Variants in POU2F1 observed in about 807,000 individuals in gnomAD.
POU2F1 encodes POU class 2 homeobox 1, also known as POU domain, class 2, transcription factor 1.
In POU2F1, 16 loss-of-function variants were observed where a neutral mutation model predicts 84.9. The observed-to-expected ratio is 0.19, with a 90% CI of 0.13 to 0.29. POU2F1 has a LOEUF of 0.29. Ranked by LOEUF, POU2F1 falls within the 10% of genes least tolerant of loss-of-function variation. The pLI is 1.00. For synonymous variants in POU2F1, 368 were observed against 368.3 expected, an observed-to-expected ratio of 1.00 and a Z score of 0.01; for missense variants, 738 against 942.6, an observed-to-expected ratio of 0.78 and a Z score of 2.84.
At chr1:167,251,847 TC>T (rs1650754382) in intron 1 of POU2F1, among the ~76,000 whole-genome samples, 1 of 151,136 alleles carries the variant, frequency 6.6e-6, no homozygotes, top group Admixed American at 6.6e-5. Context: ...CTTCGTTATA[TC>T]TTTTTTTTTT....
intron 1 of POU2F1, among the ~76,000 whole-genome samples, chr1:167,279,184 A>G (rs1652945916): frequency 6.6e-6 from 1 of 152,256 alleles, no homozygotes; most frequent in South Asian, 2.1e-4. Context: ...GTATGTAACA[A>G]ATGTTGTTAA....
chr1:167,306,584 A>G (rs1424319605), intron 1 of POU2F1, among the ~76,000 whole-genome samples: 2 of 152,206 alleles, frequency 1.3e-5, no homozygotes, highest in Non-Finnish European at 1.5e-5. Context: ...CAGATGTTAG[A>G]TTAGTTTTTT....
At chr1:167,399,968 CTTTTTTTTTTTTTTTTT>C (rs67562017) in intron 12 of POU2F1, among the ~76,000 whole-genome samples, 2 of 61,376 alleles carry the variant, frequency 3.3e-5, no homozygotes, top group Non-Finnish European at 5.5e-5. Flanking sequence ...CATTCCCAGT[CTTTTTTTTTTTTTTTTT>C]TTTTTTTTTT....
intron 1 of POU2F1, among the ~76,000 whole-genome samples, chr1:167,278,603 G>A (rs1285336107): frequency 2.0e-5 from 3 of 152,172 alleles, no homozygotes; most frequent in Non-Finnish European, 2.9e-5. Context: ...GGAACTAAAG[G>A]TCAGGTAAAA....
chr1:167,383,117 G>A (rs571941378), intron 7 of POU2F1, among the ~76,000 whole-genome samples: 2 of 152,188 alleles, frequency 1.3e-5, no homozygotes, highest in African/African-American at 2.4e-5. Flanking sequence ...ACATAATCTT[G>A]TATTTAGTAT....
At chr1:167,320,754 C>A (rs1478835827) in intron 1 of POU2F1, among the ~76,000 whole-genome samples, 1 of 152,186 alleles carries the variant, frequency 6.6e-6, no homozygotes, top group East Asian at 1.9e-4. Context: ...CTAGAGTCTT[C>A]TCTGGATCTA....
At chr1:167,403,952 A>AT (rs528343465) in intron 13 of POU2F1, among the ~76,000 whole-genome samples, 16 of 152,116 alleles carry the variant, frequency 1.1e-4, no homozygotes, top group African/African-American at 3.6e-4. Context: ...TTTCCTTTGA[A>AT]TTTTGTTGTG....
At chr1:167,302,085 C>T (rs190356266) in intron 1 of POU2F1, among the ~76,000 whole-genome samples, 89 of 151,982 alleles carry the variant, frequency 5.9e-4, no homozygotes, top group African/African-American at 1.9e-3. Flanking sequence ...CCCCCGCCCC[C>T]GAGACGGAGT....
intron 1 of POU2F1, among the ~76,000 whole-genome samples, chr1:167,318,581 A>T (rs1005151317): frequency 1.3e-5 from 2 of 152,202 alleles, no homozygotes; most frequent in Non-Finnish European, 2.9e-5. Flanking sequence ...ATAAGAGCAG[A>T]TTTATTATGG....
chr1:167,391,217 G>A (rs536060223), intron 9 of POU2F1, among the ~76,000 whole-genome samples: 1 of 152,250 alleles, frequency 6.6e-6, no homozygotes, highest in African/African-American at 2.4e-5. Flanking sequence ...TAGGATTACA[G>A]GTGTGAGCCA....
chr1:167,382,628 T>G (rs1040893297), intron 7 of POU2F1, among the ~76,000 whole-genome samples: 1 of 152,166 alleles, frequency 6.6e-6, no homozygotes, highest in Non-Finnish European at 1.5e-5. Context: ...GGGAGACACT[T>G]GGGGAAGGAG....
chr1:167,222,150 T>C (rs1418345757), intron 1 of POU2F1, among the ~76,000 whole-genome samples: 1 of 152,110 alleles, frequency 6.6e-6, no homozygotes, highest in East Asian at 1.9e-4. Flanking sequence ...AGGGCTGCCC[T>C]CCTGCCCCAG....
intron 1 of POU2F1, among the ~76,000 whole-genome samples, chr1:167,222,041 C>T (rs1406794642): frequency 6.6e-6 from 1 of 152,158 alleles, no homozygotes; most frequent in Non-Finnish European, 1.5e-5. Flanking sequence ...CCCCCCACCC[C>T]CTGCGCCTGA....
intron 9 of POU2F1, among the ~76,000 whole-genome samples, chr1:167,391,509 T>C (rs938099796): frequency 2.0e-5 from 3 of 150,620 alleles, no homozygotes; most frequent in African/African-American, 7.3e-5. Flanking sequence ...CATCCCCAAA[T>C]GTACTATGGG....
At chr1:167,247,901 C>T (rs1003405076) in intron 1 of POU2F1, among the ~76,000 whole-genome samples, 1 of 152,162 alleles carries the variant, frequency 6.6e-6, no homozygotes, top group African/African-American at 2.4e-5. Context: ...TTTAAGGTTG[C>T]ATGCAGAGAG....
intron 1 of POU2F1, among the ~76,000 whole-genome samples, chr1:167,227,582 C>G (rs1271333878): frequency 6.6e-6 from 1 of 152,018 alleles, no homozygotes; most frequent in Non-Finnish European, 1.5e-5. Flanking sequence ...AAAATACAGC[C>G]TTTTTTGGCT....
At chr1:167,283,682 G>A (rs1653328858) in intron 1 of POU2F1, among the ~76,000 whole-genome samples, 3 of 152,162 alleles carry the variant, frequency 2.0e-5, no homozygotes, top group Admixed American at 1.3e-4. Context: ...TTTCTGTTGT[G>A]TTTGAGAAGT....
Position 167,374,165 on chromosome 1 carries a change from C to A in POU2F1, c.460C>A (p.Gln154Lys). Residue 154 changes from glutamine (Q) to lysine (K), a missense_variant, in exon 6 of 16, where the codon CAG (glutamine) becomes AAG (lysine). Physicochemically the swap from Gln to Lys is moderately conservative, Grantham distance 53. Coordinates refer to ENST00000367866, the MANE Select transcript of POU2F1 (RefSeq NM_002697.4). ...LLLQQAQAQA[Q>K]LLAAAVQQHS... ...ACTCCAGCAGGCACAGGCACAGGCA[C>A]AGCTGCTGGCTGCTGCAGTGCAGCA... 6.2e-7 allele frequency: 1 copy of A among 1,614,158 alleles called. No homozygotes were observed. The highest frequency in any genetic ancestry group is 8.5e-7 in the Non-Finnish European group (1 of 1,180,028).
intron 6 of POU2F1, among the ~76,000 whole-genome samples, 177 bp downstream of exon 6, chr1:167,374,473 G>C (rs998586024): frequency 2.0e-5 from 3 of 152,180 alleles, no homozygotes; most frequent in African/African-American, 7.2e-5. Context: ...ATGTTTGTTT[G>C]CTTATTGTAG....
Sources: gnomAD v4.1 joint callset for allele counts (sites outside exome capture counted in the v4.1 genomes callset) on GRCh38, gnomAD v4.1.1 for gene constraint, MANE v1.5 for transcripts, NCBI Gene and HGNC (gene_info 2026-07-23, HGNC 2026-07-21) for gene names.